Variants in MEF2C observed in about 807,000 individuals in gnomAD.
MEF2C encodes myocyte enhancer factor 2C.
MEF2C carries 6 observed loss-of-function variants against 50.5 expected under a neutral mutation model. The ratio of observed to expected loss-of-function variants is 0.12; its 90% confidence interval spans 0.07 to 0.23. The LOEUF is 0.23. Ranked by LOEUF, MEF2C falls within the 10% of genes least tolerant of loss-of-function variation. The pLI is 1.00. For missense variants in MEF2C, 276 were observed against 605.0 expected (o/e 0.46, Z 5.70); for synonymous variants, 183 against 228.0 (o/e 0.80, Z 1.78).
At chr5:88,824,346 A>C in intron 1 of MEF2C, 2 of 985,106 alleles carry the variant, frequency 2.0e-6, no homozygotes, top group Non-Finnish European at 2.4e-6. Context: ...TTCATTTCTG[A>C]AGGGAAAACA....
chr5:88,851,651 C>T (rs574767651), intron 1 of MEF2C, among the ~76,000 whole-genome samples: 9 of 151,894 alleles, frequency 5.9e-5, no homozygotes, highest in South Asian at 4.2e-4. Flanking sequence ...CGCTACTATT[C>T]GTAATAATTT....
intron 6 of MEF2C, chr5:88,737,092 G>C (rs548256736): frequency 1.0e-6 from 1 of 984,720 alleles, no homozygotes; most frequent in South Asian, 4.7e-5. Context: ...GAAAAATTAA[G>C]AATTATTCAG....
chr5:88,743,413 T>A, intron 6 of MEF2C: 1 of 985,312 alleles, frequency 1.0e-6, no homozygotes, highest in Non-Finnish European at 1.2e-6. Context: ...TGAAAACAAA[T>A]ACTTGCAAAA....
intron 6 of MEF2C, chr5:88,732,922 T>C (rs1762302613): frequency 4.4e-6 from 1 of 225,790 alleles, no homozygotes; most frequent in Admixed American, 6.5e-5. Flanking sequence ...ATTGCCATCA[T>C]TACAAAACAC....
intron 1 of MEF2C, among the ~76,000 whole-genome samples, chr5:88,867,522 A>C (rs1405463608): frequency 6.6e-6 from 1 of 152,244 alleles, no homozygotes; most frequent in East Asian, 1.9e-4. Flanking sequence ...ATTAATGCAT[A>C]TAAAACTTCA....
At chr5:88,767,139 C>G (rs1425237454) in intron 3 of MEF2C, among the ~76,000 whole-genome samples, 1 of 152,184 alleles carries the variant, frequency 6.6e-6, no homozygotes, top group African/African-American at 2.4e-5. Context: ...TGCCCAGTGC[C>G]TTACTTCATT....
At chr5:88,869,742 CAATAGA>C (rs1228837098) in intron 1 of MEF2C, among the ~76,000 whole-genome samples, 5 of 149,260 alleles carry the variant, frequency 3.3e-5, no homozygotes, top group African/African-American at 7.4e-5. Context: ...TAAGAACAGT[CAATAGA>C]AATAGAGAAA....
intron 1 of MEF2C, among the ~76,000 whole-genome samples, chr5:88,860,581 G>A (rs755203034): frequency 1.3e-5 from 2 of 152,080 alleles, no homozygotes; most frequent in Non-Finnish European, 2.9e-5. Context: ...GCAGCCCAAT[G>A]GGGTGGTCAG....
At chr5:88,873,138 C>A (rs797419) in intron 1 of MEF2C, among the ~76,000 whole-genome samples, 81,510 of 151,750 alleles carry the variant, frequency 0.54, 22,503 homozygotes, top group African/African-American at 0.65. Flanking sequence ...ATGTGGTTGA[C>A]CTTGTCCAAT....
chr5:88,818,211 G>A (rs935022161), intron 2 of MEF2C, among the ~76,000 whole-genome samples: 2 of 151,740 alleles, frequency 1.3e-5, no homozygotes, highest in Non-Finnish European at 2.9e-5. Flanking sequence ...CTATGAATAC[G>A]TACAATTATT....
chr5:88,821,017 G>A (rs1004703763), intron 2 of MEF2C, among the ~76,000 whole-genome samples: 1 of 151,888 alleles, frequency 6.6e-6, no homozygotes, highest in Non-Finnish European at 1.5e-5. Flanking sequence ...CAGGCCTACT[G>A]TATCTAAAGA....
chr5:88,902,229 T>G (rs543851390), intron 1 of MEF2C, among the ~76,000 whole-genome samples: 1 of 151,804 alleles, frequency 6.6e-6, no homozygotes, highest in African/African-American at 2.4e-5. Context: ...ATTCTAAAAA[T>G]TTAGCGACTA....
intron 1 of MEF2C, among the ~76,000 whole-genome samples, chr5:88,876,569 TTGTC>T (rs891400599): frequency 1.8e-4 from 28 of 152,122 alleles, no homozygotes; most frequent in African/African-American, 4.1e-4. Flanking sequence ...ACAAATTTCT[TTGTC>T]TGTCTCAACA....
At chr5:88,896,640 G>T (rs1835148186) in intron 1 of MEF2C, among the ~76,000 whole-genome samples, 1 of 151,998 alleles carries the variant, frequency 6.6e-6, no homozygotes, top group Non-Finnish European at 1.5e-5. Flanking sequence ...CATATCAAAT[G>T]GAATGCAATT....
chr5:88,888,897 T>TA (rs1399010654), intron 1 of MEF2C: 2 of 152,234 alleles, frequency 1.3e-5, no homozygotes, highest in Admixed American at 6.5e-5. Context: ...ACAAAATTGT[T>TA]AAATGTTGTT....
chr5:88,844,428 T>C (rs574395539), intron 1 of MEF2C, among the ~76,000 whole-genome samples: 4 of 152,350 alleles, frequency 2.6e-5, no homozygotes, highest in African/African-American at 9.6e-5. Flanking sequence ...CCGAAATCAG[T>C]TGACAGTGAC....
At chr5:88,735,159 G>C (rs1763574876) in intron 6 of MEF2C, 1 of 985,366 alleles carries the variant, frequency 1.0e-6, no homozygotes, top group Middle Eastern at 5.2e-4. Flanking sequence ...CTGCTAAGAA[G>C]AGCCTGCATT....
At chr5:88,733,275 G>C (rs1272571581) in intron 6 of MEF2C, 2 of 985,198 alleles carry the variant, frequency 2.0e-6, no homozygotes, top group African/African-American at 1.7e-5. Flanking sequence ...GCATGGTAAG[G>C]GGCACTGAGA....
chr5:88,767,371 G>A (rs1780497216), intron 3 of MEF2C, among the ~76,000 whole-genome samples: 1 of 151,936 alleles, frequency 6.6e-6, no homozygotes. Flanking sequence ...ATCTCTCCCT[G>A]TAGTACCATA....
Sources: gnomAD v4.1 joint callset for allele counts (sites outside exome capture counted in the v4.1 genomes callset) on GRCh38, gnomAD v4.1.1 for gene constraint, MANE v1.5 for transcripts, NCBI Gene and HGNC (gene_info 2026-07-23, HGNC 2026-07-21) for gene names.